Variants in MS4A8 observed in about 807,000 individuals in gnomAD.
MS4A8 encodes the protein membrane-spanning 4-domains subfamily A member 8.
In MS4A8, 27 loss-of-function variants were observed where a neutral mutation model predicts 23.7. That is an observed-to-expected ratio of 1.14 (90% CI 0.84 to 1.57). The LOEUF is 1.57. Among genes scored for constraint, MS4A8 ranks in the 40% most tolerant of loss-of-function variants. MS4A8 has a pLI of 0.00. For missense variants in MS4A8, 301 were observed against 311.4 expected (o/e 0.97, Z 0.25); for synonymous variants, 138 against 126.3 (o/e 1.09, Z -0.62).
intron 4 of MS4A8, 76 bp from the exon 5 acceptor site, chr11:60,708,574 A>G (rs527377600): frequency 2.9e-5 from 41 of 1,422,786 alleles, no homozygotes; most frequent in Non-Finnish European, 3.2e-5. Flanking sequence ...GGGAAAAAGA[A>G]ACACTTGTTG....
intron 5 of MS4A8, among the ~76,000 whole-genome samples, chr11:60,710,136 A>G (rs1284784717): frequency 1.3e-5 from 2 of 150,872 alleles, no homozygotes; most frequent in African/African-American, 4.9e-5. Context: ...GTTTTTCCCA[A>G]TCTCTTAGGC....
chr11:60,710,985 T>C (rs2129791), intron 5 of MS4A8, among the ~76,000 whole-genome samples: 6,988 of 152,226 alleles, frequency 0.046, 508 homozygotes, highest in African/African-American at 0.16. Flanking sequence ...CAATGAGGCC[T>C]ACCTGAACAA....
rs1220081145 is a variant in MS4A8, at chr11:60,715,475, G to T, written c.*61G>T. The T allele has an allele frequency of 3.3e-5, 46 of 1,378,224 alleles. No homozygotes were observed. The East Asian group carries it at 9.3e-4, about 28-fold the overall frequency. 85.4% of individuals were successfully genotyped at this position (1,378,224 alleles called of 1,614,324 possible). A position where few individuals can be genotyped will look rare whatever the true frequency, so the allele number is the denominator to read the frequency against. On this transcript the variant is annotated 3_prime_UTR_variant, in exon 7 of 7. Transcript: ENST00000300226. ...AAAAGAAGTCCTCCTCCCTTTCTGG[G>T]CTTCCATAACCCAGGTCGTTCCTGT...
chr11:60,711,939 G>C (rs113930448), intron 5 of MS4A8: 2 of 401,814 alleles, frequency 5.0e-6, no homozygotes, highest in Non-Finnish European at 1.0e-5. Flanking sequence ...CTGCATCTGA[G>C]CTTTGCAAAT....
At chr11:60,703,157 TA>T in intron 2 of MS4A8, 1 of 397,136 alleles carries the variant, frequency 2.5e-6, no homozygotes, top group Non-Finnish European at 4.3e-6. Flanking sequence ...GCTATCAAGG[TA>T]TATATTTGAA....
chr11:60,706,976 G>C lies in MS4A8; in HGVS notation c.343-12G>C. 1 of 1,613,902 alleles carries C rather than the reference G, an allele frequency of 6.2e-7. No individual in the cohort carries two copies. Among genetic ancestry groups the C allele is most frequent in the Non-Finnish European group, 8.5e-7 (1 of 1,179,828 alleles). ...CCTGACCTCTTTCTAAACCCACTCT[G>C]TTCTGTACCAGTTTATCATTTCAGG... On this transcript the variant is annotated splice_polypyrimidine_tract_variant and intron_variant, in intron 3 of 6. Transcript: ENST00000300226.
At chr11:60,707,337 C>T (rs1045372637) in intron 4 of MS4A8, among the ~76,000 whole-genome samples, 2 of 151,802 alleles carry the variant, frequency 1.3e-5, no homozygotes, top group Admixed American at 6.6e-5. Flanking sequence ...AGAGAGATAA[C>T]AGCTTTCCTA....
Position 60,703,481 on chromosome 11 carries a change from C to T in MS4A8, c.323C>T (p.Pro108Leu). The change falls in exon 3 of 7, where the codon CCC becomes CTC. Residue 108 changes from proline to leucine, a missense_variant. Transcript: ENST00000300226. ...TCTATTTCATTCTACGGAGGCTTTC[C>T]CTTCTGGGGAGGCTTGTGGGTGAGT... The part of the protein sequence containing the change: ...YLSISFYGGF[P>L]FWGGLWFIIS... The T allele has an allele frequency of 6.2e-7, 1 of 1,607,446 alleles. No homozygotes were observed. The highest frequency in any genetic ancestry group is 8.5e-7 in the Non-Finnish European group (1 of 1,177,424).
At chr11:60,710,766 G>A (rs2088294078) in intron 5 of MS4A8, among the ~76,000 whole-genome samples, 1 of 152,074 alleles carries the variant, frequency 6.6e-6, no homozygotes, top group South Asian at 2.1e-4. Flanking sequence ...GCCCTCTGGT[G>A]CCCCCCGCCC....
intron 5 of MS4A8, among the ~76,000 whole-genome samples, chr11:60,713,630 G>A (rs993476446): frequency 6.6e-6 from 1 of 151,664 alleles, no homozygotes; most frequent in Non-Finnish European, 1.5e-5. Context: ...GCCCAGAGAC[G>A]AGCAGGAGAC....
Position 60,714,024 on chromosome 11 carries a change from ATGCCATTCTCC to A in MS4A8, c.535-992_535-982del, listed in dbSNP as rs1475372206. ...ACTGCAAGCTCCACTTCCCGGGTTC[ATGCCATTCTCC>A]TGCCTCAGCCTCCCGAGTAGCTGGG... is the stretch of plus-strand genomic sequence containing the variant. On this transcript the variant is annotated intron_variant, in intron 5 of 6. Transcript: ENST00000300226. Among the ~76,000 whole-genome samples, 7 of 141,946 alleles carry A rather than the reference ATGCCATTCTCC, an allele frequency of 4.9e-5. 1 individual carries two copies. Among genetic ancestry groups the A allele is most frequent in the African/African-American group, 2.0e-4 (7 of 35,338 alleles). The allele number at this position is 141,946 out of a possible 152,430, so 93.1% of individuals were successfully genotyped here.
At chr11:60,706,295 A>G (rs989952908) in intron 3 of MS4A8, among the ~76,000 whole-genome samples, 2 of 152,214 alleles carry the variant, frequency 1.3e-5, no homozygotes, top group African/African-American at 4.8e-5. Flanking sequence ...ATGGCAGGCA[A>G]TCCCATCAGC....
intron 5 of MS4A8, among the ~76,000 whole-genome samples, chr11:60,713,630 G>C (rs993476446): frequency 6.6e-6 from 1 of 151,664 alleles, no homozygotes; most frequent in East Asian, 1.9e-4. Context: ...GCCCAGAGAC[G>C]AGCAGGAGAC....
Position 60,707,043 on chromosome 11 carries a change from G to T in MS4A8, c.398G>T (p.Cys133Phe), listed in dbSNP as rs777499721. Residue 133 changes from cysteine (C) to phenylalanine (F), a missense_variant, in exon 4 of 7, where the codon TGC (cysteine) becomes TTC (phenylalanine). Transcript: ENST00000300226. The stretch of plus-strand genomic sequence containing the variant: ...GCAGAAAATCAGCCATATTCTTATT[G>T]CCTGGTAAGTTACATTCTGAGACCA... ...VAAENQPYSY[C>F]LLSGSLGLNI... The T allele has an allele frequency of 1.2e-6, 2 of 1,613,630 alleles. No individual in the cohort carries two copies. The highest frequency in any genetic ancestry group is 2.2e-5 in the South Asian group (2 of 91,056).
intron 3 of MS4A8, among the ~76,000 whole-genome samples, chr11:60,706,265 G>T (rs555175671): frequency 5.3e-5 from 8 of 152,146 alleles, no homozygotes; most frequent in African/African-American, 1.9e-4. Flanking sequence ...TACCACTCTT[G>T]CTAGCCCACT....
chr11:60,703,230 T>C, intron 2 of MS4A8, 148 bp from the exon 3 acceptor site: 1 of 927,108 alleles, frequency 1.1e-6, no homozygotes, highest in Non-Finnish European at 1.5e-6. Context: ...GAGGGGAGAT[T>C]ACAGGTAGTT....
chr11:60,707,026 TCAGC>T lies in MS4A8; in HGVS notation c.384_387del (p.Gln128HisfsTer13). 1 of 1,614,052 alleles carries T rather than the reference TCAGC, an allele frequency of 6.2e-7. No homozygotes were observed. The highest frequency in any genetic ancestry group is 8.5e-7 in the Non-Finnish European group (1 of 1,179,942). On this transcript the variant is annotated frameshift_variant, in exon 4 of 7. Transcript: ENST00000300226. LOFTEE classifies it high-confidence loss of function. ...GATCTCTCTCCGTGGCAGCAGAAAA[TCAGC>T]CATATTCTTATTGCCTGGTAAGTTA...
intron 2 of MS4A8, among the ~76,000 whole-genome samples, chr11:60,702,730 T>C (rs1218433889): frequency 6.6e-6 from 1 of 152,190 alleles, no homozygotes; most frequent in Non-Finnish European, 1.5e-5. Flanking sequence ...ACACCAATCA[T>C]ATTGGATTGG....
chr11:60,703,903 G>T (rs185204677), intron 3 of MS4A8, among the ~76,000 whole-genome samples: 1 of 151,822 alleles, frequency 6.6e-6, no homozygotes, highest in African/African-American at 2.4e-5. Flanking sequence ...AGTCATTTTG[G>T]ATTAGGGTCC....
Sources: allele counts gnomAD v4.1 joint callset (sites outside exome capture counted in the v4.1 genomes callset), GRCh38; gene constraint gnomAD v4.1.1; transcripts MANE v1.5; gene names NCBI Gene and HGNC (gene_info 2026-07-23, HGNC 2026-07-21).